ANKRD44: variants seen among roughly 807,000 people sequenced by gnomAD.
ANKRD44 encodes the protein ankyrin repeat domain 44, also known as serine/threonine-protein phosphatase 6 regulatory ankyrin repeat subunit B.
Under a neutral mutation model 116.0 loss-of-function variants are expected in ANKRD44, and 35 were observed. That is an observed-to-expected ratio of 0.30 (90% CI 0.23 to 0.40). The LOEUF (loss-of-function observed/expected upper bound fraction) is 0.40, where lower values mean the gene tolerates loss of function less well. Ranked by LOEUF, ANKRD44 falls within the 10% of genes least tolerant of loss-of-function variation. ANKRD44 has a pLI of 1.00. For synonymous variants in ANKRD44, 435 were observed against 461.8 expected (o/e 0.94, Z 0.74); for missense variants, 1,014 against 1,242.6 (o/e 0.82, Z 2.77).
At chr2:196,993,799 T>C (rs2075963155) in intron 26 of ANKRD44, 125 bp from the exon 27 acceptor site, 2 of 720,522 alleles carry the variant, frequency 2.8e-6, no homozygotes, top group Non-Finnish European at 4.5e-6. Flanking sequence ...TGGATGTTTT[T>C]ACTTAAGAAA....
rs763808091 is a variant in ANKRD44 at position 197,078,819 on chromosome 2, A to AAGAAG, written c.1539-6_1539-5insCTTCT. The AAGAAG allele has an allele frequency of 2.5e-6, 4 of 1,611,954 alleles. No individual in the cohort carries two copies. The East Asian group carries it at 6.7e-5, about 27-fold the overall frequency. ...TGAAGCAGAAACTCTAGACATCTGT[A>AAGAAG]AGTATAAAGATGAAGTGTTATTTTA... On this transcript the variant is annotated splice_region_variant and splice_polypyrimidine_tract_variant and intron_variant, in intron 15 of 27. Coordinates refer to ENST00000282272, the MANE Select transcript of ANKRD44 (RefSeq NM_001195144.2).
chr2:197,001,893 A>G (rs2076121836), intron 21 of ANKRD44, 53 bp from the exon 22 acceptor site: 7 of 1,376,124 alleles, frequency 5.1e-6, no homozygotes, highest in South Asian at 2.4e-5. Flanking sequence ...ATTTTGTTCA[A>G]CCCAATCTGC....
At chr2:197,056,980 A>G (rs952373821) in intron 16 of ANKRD44, among the ~76,000 whole-genome samples, 1 of 152,186 alleles carries the variant, frequency 6.6e-6, no homozygotes, top group Admixed American at 6.5e-5. Flanking sequence ...CATTCTGTCC[A>G]CCACACTTTT....
chr2:197,003,067 G>A (rs1198774142), intron 21 of ANKRD44, among the ~76,000 whole-genome samples: 3 of 152,086 alleles, frequency 2.0e-5, no homozygotes, highest in Admixed American at 6.5e-5. Flanking sequence ...AGCATTTTGG[G>A]AGGTCGAGGC....
chr2:197,220,395 A>G (rs1393581573), intron 1 of ANKRD44, among the ~76,000 whole-genome samples: 1 of 152,232 alleles, frequency 6.6e-6, no homozygotes, highest in Non-Finnish European at 1.5e-5. Flanking sequence ...TTCTCCATAT[A>G]ACGGAAAGGT....
chr2:197,009,160 C>T (rs2076252745), intron 18 of ANKRD44, 129 bp from the exon 19 acceptor site: 2 of 631,720 alleles, frequency 3.2e-6, no homozygotes, highest in Non-Finnish European at 5.5e-6. Flanking sequence ...GGGGCGATGT[C>T]ATCTCATTGC....
chr2:197,078,398 T>C (rs1480337641), intron 16 of ANKRD44: 7 of 510,588 alleles, frequency 1.4e-5, no homozygotes, highest in South Asian at 2.0e-5. Context: ...AATAGGTCTA[T>C]ACCAACTTCC....
At chr2:197,163,361 T>C (rs1047303130) in intron 2 of ANKRD44, among the ~76,000 whole-genome samples, 4 of 152,190 alleles carry the variant, frequency 2.6e-5, no homozygotes, top group Admixed American at 6.5e-5. Context: ...CAATAATCCT[T>C]AGAGAGTGAC....
intron 16 of ANKRD44, among the ~76,000 whole-genome samples, chr2:197,035,388 A>G (rs1374551200): frequency 6.6e-6 from 1 of 152,204 alleles, no homozygotes; most frequent in Non-Finnish European, 1.5e-5. Flanking sequence ...TCAGGCTGCC[A>G]AAAGAGAAAA....
At position 197,203,015 on chromosome 2, in the gene ANKRD44, C is replaced by T. The variant is rs148383117; in HGVS notation, c.28-15909G>A. ...GTAGTGTTAGGGATGCAAATCCTAG[C>T]ACAAGCGCTTGCAAAGGCTCTCCAG... On this transcript the variant is annotated intron_variant, in intron 1 of 27. Coordinates refer to ENST00000282272, the MANE Select transcript of ANKRD44 (RefSeq NM_001195144.2). This position sits in a 1 kb window ranked among gnomAD's most constrained non-coding sequence, Gnocchi z 4.1. Among the ~76,000 whole-genome samples the T allele has an allele frequency of 2.7e-3, 410 of 152,234 alleles. 1 individual carries two copies. Among genetic ancestry groups the T allele is most frequent in the African/African-American group, 9.1e-3 (376 of 41,522 alleles).
At chr2:197,290,107 G>A (rs1428943764) in intron 1 of ANKRD44, among the ~76,000 whole-genome samples, 6 of 152,062 alleles carry the variant, frequency 3.9e-5, no homozygotes, top group South Asian at 4.2e-4. Context: ...TGATCTGCCC[G>A]CCTCAGCCTC....
At chr2:197,188,430 T>C (rs1489778029) in intron 1 of ANKRD44, among the ~76,000 whole-genome samples, 1 of 152,126 alleles carries the variant, frequency 6.6e-6, no homozygotes, top group African/African-American at 2.4e-5. Flanking sequence ...GACCAGAGTG[T>C]GGGGTAAAAG....
chr2:197,200,485 C>G (rs972869707), intron 1 of ANKRD44, among the ~76,000 whole-genome samples: 19 of 152,140 alleles, frequency 1.2e-4, no homozygotes, highest in Non-Finnish European at 2.6e-4. Flanking sequence ...CTCCCACCAC[C>G]ACCACTCGCC....
intron 26 of ANKRD44, 54 bp downstream of exon 26, chr2:196,995,325 T>C: frequency 7.5e-7 from 1 of 1,329,054 alleles, no homozygotes; most frequent in Non-Finnish European, 1.1e-6. Flanking sequence ...TAATACTTAT[T>C]GAATAAATGA....
intron 1 of ANKRD44, among the ~76,000 whole-genome samples, chr2:197,225,503 C>A (rs779657497): frequency 4.6e-5 from 7 of 152,086 alleles, no homozygotes; most frequent in Non-Finnish European, 1.0e-4. Context: ...ACCACCACAC[C>A]CAGCTAATTT....
chr2:197,286,906 T>C (rs560118776), intron 1 of ANKRD44, among the ~76,000 whole-genome samples: 34 of 152,114 alleles, frequency 2.2e-4, no homozygotes, highest in African/African-American at 7.7e-4. Context: ...ACTACGGAGA[T>C]AGAAAAAGGA....
intron 1 of ANKRD44, among the ~76,000 whole-genome samples, chr2:197,192,349 T>A (rs967381506): frequency 2.6e-5 from 4 of 152,096 alleles, no homozygotes; most frequent in African/African-American, 9.7e-5. Context: ...TCTGATTAGA[T>A]CGGGAAAATA....
intron 1 of ANKRD44, among the ~76,000 whole-genome samples, chr2:197,304,879 CA>C (rs1408419921): frequency 6.6e-6 from 1 of 152,200 alleles, no homozygotes; most frequent in East Asian, 1.9e-4. Context: ...GGTCATAAAA[CA>C]ATCTTTGTAA....
chr2:197,078,573 A>G, intron 16 of ANKRD44, 130 bp downstream of exon 16: 1 of 1,523,998 alleles, frequency 6.6e-7, no homozygotes, highest in Non-Finnish European at 8.9e-7. Flanking sequence ...AGAATTCATG[A>G]AATCCTGATT....
Sources: allele counts gnomAD v4.1 joint callset (sites outside exome capture counted in the v4.1 genomes callset), GRCh38; gene constraint gnomAD v4.1.1; non-coding constraint Gnocchi (gnomAD v3.1); transcripts MANE v1.5; gene names NCBI Gene and HGNC (gene_info 2026-07-23, HGNC 2026-07-21).